TMTC2: variants seen among roughly 807,000 people sequenced by gnomAD.
The protein encoded by TMTC2 is protein O-mannosyl-transferase TMTC2.
A neutral mutation model predicts 82.4 loss-of-function variants in TMTC2; 43 were observed. The ratio of observed to expected loss-of-function variants is 0.52; its 90% CI spans 0.41 to 0.67. TMTC2 has a LOEUF of 0.67. TMTC2 is among the 30% of genes least tolerant of loss of function. TMTC2 has a pLI of 0.00. For synonymous variants in TMTC2, 408 were observed against 381.9 expected (o/e 1.07, Z -0.80); for missense variants, 919 against 1,012.4 (o/e 0.91, Z 1.25).
chr12:82,937,734 GT>G (rs1876401686), intron 4 of TMTC2, among the ~76,000 whole-genome samples: 1 of 24,230 alleles, frequency 4.1e-5, no homozygotes, highest in Admixed American at 6.4e-4. Context: ...GTGTGGATGT[GT>G]GTGTGTGTGT....
Position 83,001,026 on chromosome 12 carries a change from G to T in TMTC2, c.2070+14980G>T, listed in dbSNP as rs962915338. 3.3e-5 allele frequency among the ~76,000 whole-genome samples: 5 copies of T among 152,226 alleles called. 1 individual carries two copies. The South Asian group carries it at 8.3e-4, about 25-fold the overall frequency. On this transcript the variant is annotated intron_variant, in intron 8 of 11. Transcript: ENST00000321196. The stretch of plus-strand genomic sequence containing the variant: ...AACTTCCTAGGCTGTACACAGCACA[G>T]GGACCCTGGGCCGGACTCACAAAAC...
intron 1 of TMTC2, among the ~76,000 whole-genome samples, chr12:82,727,359 T>C (rs1239977572): frequency 2.6e-5 from 4 of 152,116 alleles, no homozygotes; most frequent in East Asian, 3.9e-4. Context: ...TTCTCTGTTA[T>C]TGGTGAGACT....
At chr12:82,735,507 G>T (rs1005967892) in intron 1 of TMTC2, among the ~76,000 whole-genome samples, 1 of 151,694 alleles carries the variant, frequency 6.6e-6, no homozygotes, top group Non-Finnish European at 1.5e-5. Context: ...CACCACGCCC[G>T]GCTAATTTTT....
At chr12:82,692,622 T>C (rs1872626004) in intron 1 of TMTC2, among the ~76,000 whole-genome samples, 1 of 152,230 alleles carries the variant, frequency 6.6e-6, no homozygotes, top group Non-Finnish European at 1.5e-5. Context: ...CTGAAGTGCT[T>C]TTAACACAGC....
intron 10 of TMTC2, among the ~76,000 whole-genome samples, chr12:83,055,331 G>T (rs1882498535): frequency 1.3e-5 from 2 of 152,022 alleles, no homozygotes. Context: ...TAGGGAAGAT[G>T]ATCACAGATG....
At chr12:82,729,778 C>G (rs1446680553) in intron 1 of TMTC2, among the ~76,000 whole-genome samples, 1 of 152,212 alleles carries the variant, frequency 6.6e-6, no homozygotes, top group Non-Finnish European at 1.5e-5. Flanking sequence ...GCTGTGGTAG[C>G]TTTGTTCTTT....
At chr12:82,944,370 G>A (rs944288246) in intron 4 of TMTC2, among the ~76,000 whole-genome samples, 19 of 151,968 alleles carry the variant, frequency 1.3e-4, no homozygotes, top group Admixed American at 5.2e-4. Flanking sequence ...GGACCACGAG[G>A]TCAGGAGATC....
At chr12:82,825,431 A>T (rs1869358255) in intron 1 of TMTC2, among the ~76,000 whole-genome samples, 1 of 152,210 alleles carries the variant, frequency 6.6e-6, no homozygotes, top group Non-Finnish European at 1.5e-5. Context: ...TACAGGGCCA[A>T]GAGACACAGG....
chr12:82,883,344 TTAA>T (rs1468928723), intron 2 of TMTC2, among the ~76,000 whole-genome samples: 1 of 152,206 alleles, frequency 6.6e-6, no homozygotes, highest in Non-Finnish European at 1.5e-5. Context: ...TATATGCTTA[TTAA>T]TGAACATCTA....
intron 3 of TMTC2, among the ~76,000 whole-genome samples, chr12:82,926,230 C>G (rs1555198123): frequency 6.6e-6 from 1 of 152,190 alleles, no homozygotes; most frequent in Non-Finnish European, 1.5e-5. Context: ...CCGCCTGCCT[C>G]AGCCTCCCAA....
chr12:82,831,003 T>C (rs1328045511), intron 1 of TMTC2, among the ~76,000 whole-genome samples: 1 of 152,120 alleles, frequency 6.6e-6, no homozygotes, highest in African/African-American at 2.4e-5. Flanking sequence ...GATTTAGAGG[T>C]AGGTTAAAAC....
chr12:83,104,642 G>A lies in TMTC2; in HGVS notation c.2332-27568G>A, dbSNP rs372387033. Among the ~76,000 whole-genome samples, 113 of 152,292 alleles carry A rather than the reference G, an allele frequency of 7.4e-4. 1 individual carries two copies. The South Asian group carries it at 0.023, about 30-fold the overall frequency. On this transcript the variant is annotated intron_variant, in intron 11 of 11. Transcript: ENST00000321196. ...TCAGGGCAATGGAGTCCTGGGCAAGGCTCTTGAACCCAGTCTTTCTTCCTA... is the reference window on the plus strand; with the variant it reads ...TCAGGGCAATGGAGTCCTGGGCAAGACTCTTGAACCCAGTCTTTCTTCCTA...
At chr12:83,089,685 A>T (rs775846750) in intron 11 of TMTC2, among the ~76,000 whole-genome samples, 18 of 152,130 alleles carry the variant, frequency 1.2e-4, no homozygotes, top group Non-Finnish European at 2.5e-4. Context: ...CATGGAGAGA[A>T]TTTCAGTTTG....
intron 11 of TMTC2, among the ~76,000 whole-genome samples, chr12:83,116,340 A>G (rs1436139718): frequency 1.3e-5 from 2 of 152,140 alleles, no homozygotes; most frequent in Admixed American, 6.5e-5. Context: ...TCGTTGATTG[A>G]TAGGCATTTG....
chr12:82,881,761 T>G (rs1338934785), intron 2 of TMTC2, among the ~76,000 whole-genome samples: 1 of 152,222 alleles, frequency 6.6e-6, no homozygotes, highest in African/African-American at 2.4e-5. Context: ...AAGTGTGCAT[T>G]TAAGAAATGC....
intron 1 of TMTC2, among the ~76,000 whole-genome samples, chr12:82,749,668 G>A (rs1257257056): frequency 6.6e-6 from 1 of 151,754 alleles, no homozygotes. Flanking sequence ...AGCAATGCTA[G>A]TGCTTCAGGA....
intron 1 of TMTC2, among the ~76,000 whole-genome samples, chr12:82,852,845 G>A (rs1871055012): frequency 6.6e-6 from 1 of 152,146 alleles, no homozygotes. Flanking sequence ...CCTTATCACT[G>A]ACCTGCATGT....
intron 1 of TMTC2, among the ~76,000 whole-genome samples, chr12:82,757,717 G>C (rs1441084335): frequency 6.6e-6 from 1 of 152,138 alleles, no homozygotes; most frequent in Non-Finnish European, 1.5e-5. Context: ...TTCTTTTACT[G>C]TCTTCTGTGA....
At chr12:82,916,115 G>A (rs193040071) in intron 3 of TMTC2, among the ~76,000 whole-genome samples, 3 of 152,334 alleles carry the variant, frequency 2.0e-5, no homozygotes, top group Admixed American at 6.5e-5. Context: ...AGCCATATAT[G>A]AGGAATTTCT....
Sources: allele counts gnomAD v4.1 joint callset (sites outside exome capture counted in the v4.1 genomes callset), GRCh38; gene constraint gnomAD v4.1.1; transcripts MANE v1.5; gene names NCBI Gene and HGNC (gene_info 2026-07-23, HGNC 2026-07-21).